Variants in TTBK2 observed in about 807,000 individuals in gnomAD.
TTBK2 encodes the protein tau-tubulin kinase 2.
Under a neutral mutation model 110.8 loss-of-function variants are expected in TTBK2, and 28 were observed. The ratio of observed to expected loss-of-function variants is 0.25; its 90% CI spans 0.19 to 0.35. TTBK2 has a LOEUF of 0.35. Among genes scored for constraint, TTBK2 ranks in the 10% least tolerant of loss-of-function variants. The pLI is 1.00. For synonymous variants in TTBK2, 532 were observed against 527.3 expected, an observed-to-expected ratio of 1.01 and a Z score of -0.12; for missense variants, 1,369 against 1,500.3, an observed-to-expected ratio of 0.91 and a Z score of 1.45.
At chr15:42,864,310 C>T (rs888540008) in intron 3 of TTBK2, among the ~76,000 whole-genome samples, 1 of 152,162 alleles carries the variant, frequency 6.6e-6, no homozygotes, top group African/African-American at 2.4e-5. Context: ...GAAGGCCAGG[C>T]GTGGTGGCTA....
At chr15:42,821,881 G>A (rs1037391993) in intron 6 of TTBK2, among the ~76,000 whole-genome samples, 3 of 151,816 alleles carry the variant, frequency 2.0e-5, no homozygotes, top group Non-Finnish European at 2.9e-5. Flanking sequence ...TAGTAGAGAC[G>A]GAGTTCCACC....
intron 1 of TTBK2, among the ~76,000 whole-genome samples, chr15:42,897,470 G>A (rs1038768659): frequency 6.6e-6 from 1 of 151,962 alleles, no homozygotes; most frequent in African/African-American, 2.4e-5. Context: ...AAGGAAATAC[G>A]AGATGAGTAA....
chr15:42,763,184 ATATATATATTTTTTTTTTTTTTT>A (rs1889169252), intron 13 of TTBK2, among the ~76,000 whole-genome samples: 5 of 23,274 alleles, frequency 2.1e-4, no homozygotes, highest in African/African-American at 1.1e-3. Flanking sequence ...ATATATATAT[ATATATATATTTTTTTTTTTTTTT>A]TTTTTTTTTT....
intron 9 of TTBK2, among the ~76,000 whole-genome samples, chr15:42,806,321 A>ACAGCT (rs1056250578): frequency 2.0e-5 from 3 of 152,232 alleles, no homozygotes; most frequent in Non-Finnish European, 4.4e-5. Context: ...TTTCCAAGGC[A>ACAGCT]CAGCTCAGCT....
intron 9 of TTBK2, among the ~76,000 whole-genome samples, chr15:42,798,036 A>G (rs1891023676): frequency 1.3e-5 from 2 of 152,106 alleles, no homozygotes; most frequent in Non-Finnish European, 2.9e-5. Context: ...GGCACACGCC[A>G]CCATGCCCAG....
chr15:42,755,484 T>G (rs1408846485), intron 13 of TTBK2, among the ~76,000 whole-genome samples: 2 of 151,608 alleles, frequency 1.3e-5, no homozygotes, highest in Non-Finnish European at 2.9e-5. Flanking sequence ...CATGTAAAGC[T>G]TGTCCTAAGT....
intron 6 of TTBK2, among the ~76,000 whole-genome samples, chr15:42,824,410 G>A (rs186564214): frequency 1.2e-4 from 19 of 152,134 alleles, no homozygotes; most frequent in African/African-American, 4.3e-4. Flanking sequence ...AATGTACTAT[G>A]ATTATGTAAG....
intron 13 of TTBK2, among the ~76,000 whole-genome samples, chr15:42,767,632 C>T (rs1335406792): frequency 6.6e-6 from 1 of 152,150 alleles, no homozygotes; most frequent in Non-Finnish European, 1.5e-5. Context: ...AGCCTACCAA[C>T]CAAAAGAAGT....
chr15:42,815,895 T>TATATATATATTTAAAA (rs535096459), intron 7 of TTBK2, among the ~76,000 whole-genome samples: 1,347 of 73,042 alleles, frequency 0.018, 55 homozygotes, highest in South Asian at 0.044. Flanking sequence ...TATTTAAAAA[T>TATATATATATTTAAAA]ATATATATAT....
At chr15:42,864,524 C>A (rs1894287079) in intron 3 of TTBK2, among the ~76,000 whole-genome samples, 1 of 151,838 alleles carries the variant, frequency 6.6e-6, no homozygotes, top group South Asian at 2.1e-4. Context: ...GCAAAGCTTG[C>A]AGTGAGCTGA....
intron 1 of TTBK2, among the ~76,000 whole-genome samples, chr15:42,884,782 A>G (rs941103226): frequency 2.0e-5 from 3 of 152,210 alleles, no homozygotes; most frequent in Admixed American, 6.5e-5. Flanking sequence ...AGCCCAAGCT[A>G]AGCCATCATA....
chr15:42,796,066 T>C (rs960064511), intron 9 of TTBK2, among the ~76,000 whole-genome samples: 2 of 151,808 alleles, frequency 1.3e-5, no homozygotes, highest in Non-Finnish European at 2.9e-5. Flanking sequence ...TAGGGAGGAA[T>C]AGGAAATGCA....
At chr15:42,909,859 T>C (rs1207217562) in intron 1 of TTBK2, among the ~76,000 whole-genome samples, 2 of 152,136 alleles carry the variant, frequency 1.3e-5, no homozygotes, top group Non-Finnish European at 2.9e-5. Flanking sequence ...AATGGCTACC[T>C]TTGGGGTAAA....
intron 3 of TTBK2, among the ~76,000 whole-genome samples, chr15:42,843,181 T>G (rs1742043965): frequency 6.6e-6 from 1 of 152,196 alleles, no homozygotes; most frequent in Non-Finnish European, 1.5e-5. Flanking sequence ...CATCACAAGC[T>G]AACTGCCTTT....
rs2030993576 is a variant in TTBK2 at position 42,914,923 on chromosome 15, C to T, written c.-68+5515G>A. Among the ~76,000 whole-genome samples, 4 of 152,196 alleles carry T rather than the reference C, an allele frequency of 2.6e-5. No individual in the cohort carries two copies. The South Asian group carries it at 6.2e-4, about 24-fold the overall frequency. ...ACCTGGAACACTTGTAATTCCTTCT[C>T]CTGCAAATCTCTGCTTCCACTATTT... is the stretch of plus-strand genomic sequence containing the variant. On this transcript the variant is annotated intron_variant, in intron 1 of 14. Transcript: ENST00000267890.
chr15:42,875,796 C>T (rs959522898), intron 2 of TTBK2, among the ~76,000 whole-genome samples: 6 of 150,236 alleles, frequency 4.0e-5, no homozygotes, highest in African/African-American at 1.5e-4. Flanking sequence ...ATCCCAGCTA[C>T]TTGGGAGGCT....
At chr15:42,840,557 T>C (rs1259330238) in intron 3 of TTBK2, 124 bp from the exon 4 acceptor site, 2 of 897,980 alleles carry the variant, frequency 2.2e-6, no homozygotes, top group African/African-American at 1.7e-5. Context: ...ACCTTAAGGA[T>C]AGAAAACTTA....
intron 5 of TTBK2, among the ~76,000 whole-genome samples, chr15:42,828,880 C>T (rs77696087): frequency 3.7e-4 from 56 of 152,100 alleles, no homozygotes; most frequent in Non-Finnish European, 6.8e-4. Context: ...ATTAAATGAC[C>T]ACAAATGCAA....
At chr15:42,893,091 CA>C (rs982548837) in intron 1 of TTBK2, among the ~76,000 whole-genome samples, 1 of 150,152 alleles carries the variant, frequency 6.7e-6, no homozygotes, top group Admixed American at 6.6e-5. Context: ...TGGTTAAAGA[CA>C]AAGTCCCCAG....
Sources: allele counts gnomAD v4.1 joint callset (sites outside exome capture counted in the v4.1 genomes callset), GRCh38; gene constraint gnomAD v4.1.1; transcripts MANE v1.5; gene names NCBI Gene and HGNC (gene_info 2026-07-23, HGNC 2026-07-21).